ROBO2: variants seen among roughly 807,000 people sequenced by gnomAD.
The protein encoded by ROBO2 is roundabout guidance receptor 2.
In ROBO2, 53 loss-of-function variants were observed where a neutral mutation model predicts 160.8. That is an observed-to-expected ratio of 0.33 (90% CI 0.26 to 0.41). ROBO2 has a LOEUF of 0.41. Among genes scored for constraint, ROBO2 ranks in the 10% least tolerant of loss-of-function variants. ROBO2 has a pLI of 1.00. For synonymous variants in ROBO2, 664 were observed against 611.7 expected, an observed-to-expected ratio of 1.09 and a Z score of -1.26; for missense variants, 1,577 against 1,722.4, an observed-to-expected ratio of 0.92 and a Z score of 1.49.
chr3:77,496,361 T>C (rs1341030351), intron 5 of ROBO2, among the ~76,000 whole-genome samples: 6 of 152,210 alleles, frequency 3.9e-5, no homozygotes, highest in African/African-American at 7.2e-5. Context: ...TTAAGTGATG[T>C]TTCAGAGGAG....
In ROBO2 at chr3:77,378,991, A is replaced by G. The variant is rs578004039; in HGVS notation, c.389-98423A>G. On this transcript the variant is annotated intron_variant, in intron 2 of 25. Transcript: ENST00000461745. ...AGATGGAGTTTCGCTCTTGTTGCCC[A>G]GGCTGGAGTGCAATGGCGTGATCTC... Among the ~76,000 whole-genome samples, 358 of 149,576 alleles carry G rather than the reference A, an allele frequency of 2.4e-3. 2 individuals carry two copies. The highest frequency in any genetic ancestry group is 0.014 in the Middle Eastern group (4 of 288).
In ROBO2 at chr3:76,265,134, C is replaced by G. The variant is rs1031406048; in HGVS notation, c.109+327532C>G. Among the ~76,000 whole-genome samples, 40 of 152,138 alleles carry G rather than the reference C, an allele frequency of 2.6e-4. 1 individual carries two copies. On this transcript the variant is annotated intron_variant, in intron 2 of 26. Coordinates refer to the ROBO2 transcript ENST00000487694. Reference sequence around the variant, plus strand: ...TCCTCATCTCCCACGCAGGCTGAAGCCTGGAGGCACGTGAGTCCCTGGGTC... The same window carrying G: ...TCCTCATCTCCCACGCAGGCTGAAGGCTGGAGGCACGTGAGTCCCTGGGTC...
rs139776131 is a variant in ROBO2, at chr3:77,483,187, G to A, written c.667+1968G>A. Among the ~76,000 whole-genome samples, 1,138 of 152,142 alleles carry A rather than the reference G, an allele frequency of 7.5e-3. 15 individuals carry two copies. The highest frequency in any genetic ancestry group is 0.024 in the African/African-American group (998 of 41,520). On this transcript the variant is annotated intron_variant, in intron 4 of 25. Transcript: ENST00000461745. ...AAGCTAGTCAGAACTGACCTGAGGG[G>A]TTATAAGTACAAGATTAAGTTGAAG...
chr3:76,863,453 AG>A (rs59981788), intron 2 of ROBO2, among the ~76,000 whole-genome samples: 2,789 of 116,472 alleles, frequency 0.024, 101 homozygotes, highest in African/African-American at 0.077. Context: ...AAAAGAAAAA[AG>A]AAAAGAAAAG....
intron 2 of ROBO2, among the ~76,000 whole-genome samples, chr3:76,936,325 G>A (rs1370120073): frequency 1.3e-5 from 2 of 152,086 alleles, no homozygotes; most frequent in Non-Finnish European, 2.9e-5. Flanking sequence ...TTCTTCATAT[G>A]TCTCCTCTAA....
intron 2 of ROBO2, among the ~76,000 whole-genome samples, chr3:76,794,823 T>G (rs897981227): frequency 6.6e-6 from 1 of 152,060 alleles, no homozygotes; most frequent in African/African-American, 2.4e-5. Context: ...TCAATTTTGG[T>G]AAACCTCATC....
At chr3:76,527,250 A>C (rs1441175237) in intron 2 of ROBO2, among the ~76,000 whole-genome samples, 1 of 152,114 alleles carries the variant, frequency 6.6e-6, no homozygotes, top group Non-Finnish European at 1.5e-5. Context: ...ATAATTATAC[A>C]AATATCTGTT....
intron 2 of ROBO2, among the ~76,000 whole-genome samples, chr3:76,054,872 A>G: frequency 6.6e-6 from 1 of 152,070 alleles, no homozygotes; most frequent in Middle Eastern, 3.4e-3. Context: ...GTGTCAGCCC[A>G]TAAACCCTTA....
chr3:76,092,152 G>T (rs1270480202), intron 2 of ROBO2, among the ~76,000 whole-genome samples: 1 of 152,098 alleles, frequency 6.6e-6, no homozygotes, highest in Admixed American at 6.5e-5. Context: ...TTGATAGTGT[G>T]GGACGTTGCG....
chr3:77,209,830 C>A (rs2083896601), intron 2 of ROBO2, among the ~76,000 whole-genome samples: 1 of 152,048 alleles, frequency 6.6e-6, no homozygotes, highest in South Asian at 2.1e-4. Flanking sequence ...AATTGATTCC[C>A]AGATTCTTCA....
At chr3:75,952,537 CAT>C (rs1347849712) in intron 2 of ROBO2, among the ~76,000 whole-genome samples, 1 of 151,948 alleles carries the variant, frequency 6.6e-6, no homozygotes, top group Non-Finnish European at 1.5e-5. Context: ...TAAGCATTCA[CAT>C]GTCATCCTCA....
At chr3:76,558,326 G>C (rs2083935498) in intron 2 of ROBO2, among the ~76,000 whole-genome samples, 1 of 146,604 alleles carries the variant, frequency 6.8e-6, no homozygotes, top group South Asian at 2.2e-4. Flanking sequence ...GTACTATTCA[G>C]ATAATTTTCT....
chr3:76,069,607 T>C (rs2068377739), intron 2 of ROBO2, among the ~76,000 whole-genome samples: 1 of 126,060 alleles, frequency 7.9e-6, no homozygotes, highest in African/African-American at 3.3e-5. Context: ...TGTAATCTCA[T>C]TAAAAATACC....
chr3:76,089,915 C>T (rs1010615080), intron 2 of ROBO2, among the ~76,000 whole-genome samples: 5 of 151,782 alleles, frequency 3.3e-5, no homozygotes, highest in South Asian at 4.2e-4. Context: ...TGATTGTTGA[C>T]ATAAAAAAAT....
chr3:76,209,627 G>T (rs530886220), intron 2 of ROBO2, among the ~76,000 whole-genome samples: 7 of 152,234 alleles, frequency 4.6e-5, no homozygotes, highest in Non-Finnish European at 1.0e-4. Flanking sequence ...GGTAAGATTG[G>T]TGTTAATTTT....
At chr3:77,002,260 T>C (rs2061369884) in intron 2 of ROBO2, among the ~76,000 whole-genome samples, 1 of 152,010 alleles carries the variant, frequency 6.6e-6, no homozygotes, top group Non-Finnish European at 1.5e-5. Context: ...AATTTATTAA[T>C]GTTATTAGTG....
chr3:77,469,384 G>C (rs2083119401), intron 2 of ROBO2, among the ~76,000 whole-genome samples: 1 of 151,762 alleles, frequency 6.6e-6, no homozygotes, highest in African/African-American at 2.4e-5. Flanking sequence ...GGAAGAGATA[G>C]GGTGCTTTTT....
chr3:77,536,245 G>C (rs895464655), intron 6 of ROBO2, among the ~76,000 whole-genome samples: 4 of 152,148 alleles, frequency 2.6e-5, no homozygotes, highest in Non-Finnish European at 5.9e-5. Context: ...CAGGTGGGGG[G>C]AATGTGCCTT....
intron 4 of ROBO2, among the ~76,000 whole-genome samples, chr3:77,489,177 G>A (rs2085755617): frequency 6.6e-6 from 1 of 152,130 alleles, no homozygotes; most frequent in Admixed American, 6.5e-5. Flanking sequence ...CTAATACCCA[G>A]GTATAAAACC....
Sources: gnomAD v4.1 joint callset for allele counts (sites outside exome capture counted in the v4.1 genomes callset) on GRCh38, gnomAD v4.1.1 for gene constraint, MANE v1.5 for transcripts, NCBI Gene and HGNC (gene_info 2026-07-23, HGNC 2026-07-21) for gene names.